MTSS2: variants seen among roughly 807,000 people sequenced by gnomAD.
MTSS2 encodes the protein protein MTSS 2.
MTSS2 carries 27 observed loss-of-function variants against 67.1 expected under a neutral mutation model. The ratio of observed to expected loss-of-function variants is 0.40; its 90% confidence interval spans 0.30 to 0.55. The LOEUF (loss-of-function observed/expected upper bound fraction) is 0.55. Ranked by LOEUF, MTSS2 falls within the 20% of genes least tolerant of loss-of-function variation. MTSS2 has a pLI of 0.43. For synonymous variants in MTSS2, 624 were observed against 468.6 expected (o/e 1.33, Z -4.28); for missense variants, 1,171 against 1,067.8 (o/e 1.10, Z -1.35).
chr16:70,676,969 C>T lies in MTSS2; in HGVS notation c.742G>A (p.Asp248Asn), dbSNP rs1369371548. The T allele has an allele frequency of 1.2e-6, 2 of 1,613,262 alleles. No homozygotes were observed. The highest frequency in any genetic ancestry group is 1.7e-6 in the Non-Finnish European group (2 of 1,179,720). Residue 248 changes from aspartate to asparagine, a missense_variant, in exon 10 of 15, where the codon GAC (aspartate) becomes AAC (asparagine). Physicochemically the swap from Asp to Asn is conservative, Grantham distance 23. Around this residue, in one of 2 missense-constraint regions of MTSS2, gnomAD observed 924 missense variants for 756.0 expected, o/e 1.22. Transcript: ENST00000338779. ...LPPASEQVIKDLKGSDYSWSY... is the reference protein window; with the variant it reads ...LPPASEQVIKNLKGSDYSWSY... ...CAGCTGTAGTCCGAGCCCTTTAGGT[C>T]TTTGATTACCTGGACAGGGACATGG...
intron 11 of MTSS2, 46 bp downstream of exon 11, chr16:70,674,260 A>G (rs1283550899): frequency 3.2e-6 from 5 of 1,573,804 alleles, no homozygotes; most frequent in Non-Finnish European, 1.7e-6. Context: ...TGCTGGCATA[A>G]GGCTGCTGCA....
chr16:70,685,442 G>T (rs1055745601), intron 1 of MTSS2, among the ~76,000 whole-genome samples: 3 of 152,164 alleles, frequency 2.0e-5, no homozygotes, highest in Admixed American at 1.3e-4. Flanking sequence ...TCATGGTTTG[G>T]CGGTCTGGGG....
chr16:70,669,594 T>C (rs995265515), intron 11 of MTSS2, among the ~76,000 whole-genome samples: 9 of 152,010 alleles, frequency 5.9e-5, no homozygotes, highest in Non-Finnish European at 1.0e-4. Context: ...GGCGGGCGGA[T>C]TACCTGAGGT....
Position 70,664,968 on chromosome 16 carries a change from C to G in MTSS2, c.1257G>C (p.Gly419=), listed in dbSNP as rs907790992. 1 of 1,577,924 alleles carries G rather than the reference C, an allele frequency of 6.3e-7. No individual in the cohort carries two copies. The highest frequency in any genetic ancestry group is 1.3e-5 in the African/African-American group (1 of 74,720). ...PASGGTLGPS[G]EEAPRPRMSP... ...ACATCCGGGGTCGCGGTGCCTCTTC[C>G]CCGCTGGGGCCCAGGGTGCCCCCAC... is the stretch of plus-strand genomic sequence containing the variant. The change falls in exon 13 of 15, where the codon GGG becomes GGC. Residue 419 remains glycine, a synonymous_variant. Transcript: ENST00000338779.
intron 10 of MTSS2, among the ~76,000 whole-genome samples, chr16:70,675,124 A>C (rs1219696505): frequency 6.7e-6 from 1 of 148,954 alleles, no homozygotes; most frequent in Non-Finnish European, 1.5e-5. Context: ...AAAAAAAAAG[A>C]AACAAGAAAC....
rs138817967 is a variant in MTSS2, at chr16:70,664,372, T to G, written c.1549A>C (p.Ile517Leu). The change falls in exon 15 of 15, where the codon ATC becomes CTC. Residue 517 changes from isoleucine to leucine, a missense_variant. Transcript: ENST00000338779. ...GPPEFDKSST[I>L]PRNSNIAQNY... Reference sequence around the variant, plus strand: ...TGGGCGATGTTGCTGTTGCGCGGGATGGTGGATGACTTGTCAAACTCGGGC... The same window carrying G: ...TGGGCGATGTTGCTGTTGCGCGGGAGGGTGGATGACTTGTCAAACTCGGGC... 2 of 1,586,958 alleles carry G rather than the reference T, an allele frequency of 1.3e-6. No homozygotes were observed. Among genetic ancestry groups the G allele is most frequent in the African/African-American group, 2.7e-5 (2 of 73,940 alleles).
chr16:70,679,903 G>C (rs1266819573), intron 4 of MTSS2, 26 bp from the exon 5 acceptor site: 6 of 1,569,208 alleles, frequency 3.8e-6, no homozygotes, highest in Non-Finnish European at 8.6e-7. Flanking sequence ...GGGAGCGCAG[G>C]TCAGGGCCGG....
Position 70,664,588 on chromosome 16 carries a change from G to C in MTSS2, c.1471+10C>G, listed in dbSNP as rs758646856. 1 of 1,610,324 alleles carries C rather than the reference G, an allele frequency of 6.2e-7. No individual in the cohort carries two copies. Among genetic ancestry groups the C allele is most frequent in the Non-Finnish European group, 8.5e-7 (1 of 1,178,278 alleles). ...CTGTCCCTGGTCCCACCCCAGCCCC[G>C]CGGGCCTGCCTTGGGAGGGGATGGT... is the stretch of plus-strand genomic sequence containing the variant. On this transcript the variant is annotated intron_variant, in intron 14 of 14. Coordinates refer to ENST00000338779, the MANE Select transcript of MTSS2 (RefSeq NM_138383.3).
At chr16:70,679,175 G>T (rs1038100579) in intron 7 of MTSS2, 140 bp downstream of exon 7, 51 of 1,058,420 alleles carry the variant, frequency 4.8e-5, no homozygotes, top group Non-Finnish European at 6.8e-5. Context: ...CTGTGCCCCA[G>T]GCCCCTCCCT....
rs1411040040 is a variant in MTSS2 at position 70,665,013 on chromosome 16, G to A, written c.1212C>T (p.Asp404=). ...CCCCACTGGCAGGGCCTGGCTCTGT[G>A]TCTCGCAGGAGCTCCACTCGGTCCT... is the stretch of plus-strand genomic sequence containing the variant. ...RRKDRVELLR[D]TEPGPASGGT... The change falls in exon 13 of 15, where the codon GAC becomes GAT. Residue 404 remains aspartate, a synonymous_variant. Transcript: ENST00000338779. The A allele has an allele frequency of 1.9e-6, 3 of 1,595,508 alleles. No individual in the cohort carries two copies. Among genetic ancestry groups the A allele is most frequent in the South Asian group, 2.2e-5 (2 of 89,756 alleles).
At chr16:70,669,873 C>G (rs6499334) in intron 11 of MTSS2, among the ~76,000 whole-genome samples, 2 of 151,518 alleles carry the variant, frequency 1.3e-5, no homozygotes, top group Admixed American at 6.6e-5. Flanking sequence ...GAAATGCAAA[C>G]AAAATATACA....
Position 70,663,861 on chromosome 16 carries a change from G to A in MTSS2, c.2060C>T (p.Ala687Val). The change falls in exon 15 of 15, where the codon GCA becomes GTA. Residue 687 changes from alanine to valine, a missense_variant. Physicochemically the swap from Ala to Val is moderately conservative, Grantham distance 64. Coordinates refer to ENST00000338779, the MANE Select transcript of MTSS2 (RefSeq NM_138383.3). ...KLGELVAGAHALGEGQFPFPT... is the reference protein window; with the variant it reads ...KLGELVAGAHVLGEGQFPFPT... ...GAAGGGGAACTGGCCCTCACCCAGTGCGTGGGCACCCGCCACCAGCTCCCC... is the reference window on the plus strand; with the variant it reads ...GAAGGGGAACTGGCCCTCACCCAGTACGTGGGCACCCGCCACCAGCTCCCC... 3 of 1,542,848 alleles carry A rather than the reference G, an allele frequency of 1.9e-6. No homozygotes were observed. The highest frequency in any genetic ancestry group is 2.4e-5 in the East Asian group (1 of 40,936).
chr16:70,665,277 G>A (rs922089992), intron 12 of MTSS2, 181 bp from the exon 13 acceptor site: 10 of 916,192 alleles, frequency 1.1e-5, no homozygotes, highest in Non-Finnish European at 1.6e-5. Flanking sequence ...CAGGCCCAGG[G>A]GTAAGATGTG....
At chr16:70,676,839 G>A (rs1248180858) in intron 10 of MTSS2, 42 bp downstream of exon 10, 1 of 1,562,890 alleles carries the variant, frequency 6.4e-7, no homozygotes, top group South Asian at 1.1e-5. Context: ...TTCCTCTTGG[G>A]ATACCGCCCC....
chr16:70,665,578 G>A (rs755611555), intron 11 of MTSS2, 38 bp from the exon 12 acceptor site: 41 of 1,522,068 alleles, frequency 2.7e-5, no homozygotes, highest in Non-Finnish European at 3.3e-5. Flanking sequence ...GCAGACAGAG[G>A]GGCCGGCAGG....
At chr16:70,665,425 G>T (rs935332476) in intron 12 of MTSS2, 41 bp downstream of exon 12, 3 of 1,529,974 alleles carry the variant, frequency 2.0e-6, no homozygotes, top group Non-Finnish European at 2.6e-6. Flanking sequence ...GATGGGAGGG[G>T]CAGCTGGTGA....
chr16:70,679,443 T>C (rs2053226400), intron 6 of MTSS2, 120 bp from the exon 7 acceptor site: 2 of 1,321,034 alleles, frequency 1.5e-6, no homozygotes, highest in Non-Finnish European at 2.1e-6. Context: ...CTGCCTCCCA[T>C]AGGGAGGTTC....
chr16:70,684,297 T>C (rs781487246), intron 1 of MTSS2, among the ~76,000 whole-genome samples: 2 of 145,692 alleles, frequency 1.4e-5, no homozygotes, highest in African/African-American at 2.6e-5. Context: ...AGGTGGGGAC[T>C]GCTGGGGGCC....
intron 1 of MTSS2, among the ~76,000 whole-genome samples, chr16:70,684,830 C>A (rs2053404406): frequency 6.6e-6 from 1 of 152,214 alleles, no homozygotes; most frequent in Non-Finnish European, 1.5e-5. Flanking sequence ...CCTGCCAAAC[C>A]CTGGCCTCAT....
Sources: gnomAD v4.1 joint callset for allele counts (sites outside exome capture counted in the v4.1 genomes callset) on GRCh38, gnomAD v4.1.1 for gene constraint, gnomAD v4.1.1 regional missense constraint, MANE v1.5 for transcripts, NCBI Gene and HGNC (gene_info 2026-07-23, HGNC 2026-07-21) for gene names.